ZNF730: variants seen among roughly 807,000 people sequenced by gnomAD.
ZNF730 encodes putative zinc finger protein 730.
A neutral mutation model predicts 12.6 loss-of-function variants in ZNF730; 12 were observed. The observed-to-expected ratio is 0.95, with a 90% CI of 0.61 to 1.54. The LOEUF is 1.54. Ranked by LOEUF, ZNF730 falls within the 40% of genes most tolerant of loss-of-function variation. The pLI is 0.00. For missense variants in ZNF730, 643 were observed against 583.5 expected, an observed-to-expected ratio of 1.10 and a Z score of -1.05; for synonymous variants, 194 against 195.8, an observed-to-expected ratio of 0.99 and a Z score of 0.08.
At chr19:23,112,911 G>T (rs1260017970), upstream of ZNF730, among the ~76,000 whole-genome samples, 1 of 152,068 alleles carries the variant, frequency 6.6e-6, no homozygotes, top group East Asian at 1.9e-4. Context: ...TTCTAAATGG[G>T]CATCCTTTGA....
At chr19:23,144,011 A>T (rs968406543) in intron 3 of ZNF730, 1 of 151,900 alleles carries the variant, frequency 6.6e-6, no homozygotes, top group African/African-American at 2.4e-5. Context: ...TTTTACCCCC[A>T]TAATTTCTAT....
chr19:23,106,148 C>A (rs1296659664), intron 1 of ZNF730, among the ~76,000 whole-genome samples: 9 of 148,592 alleles, frequency 6.1e-5, no homozygotes, highest in Non-Finnish European at 1.3e-4. Flanking sequence ...AAGAAGAAAG[C>A]AGAAGGAGAA....
At chr19:23,094,779 A>G (rs568226188) in intron 1 of ZNF730, among the ~76,000 whole-genome samples, 1 of 151,996 alleles carries the variant, frequency 6.6e-6, no homozygotes, top group Admixed American at 6.6e-5. Context: ...CGGCCTATCT[A>G]TTTTTTTAGT....
At chr19:23,114,785 TTC>T (rs777276279), upstream of ZNF730, among the ~76,000 whole-genome samples, 3 of 152,140 alleles carry the variant, frequency 2.0e-5, no homozygotes, top group Non-Finnish European at 4.4e-5. Context: ...TTCAAAATGT[TTC>T]TGCAATTTTT....
intron 1 of ZNF730, among the ~76,000 whole-genome samples, chr19:23,119,444 T>C (rs758837406): frequency 7.2e-5 from 11 of 152,224 alleles, no homozygotes; most frequent in Non-Finnish European, 1.3e-4. Context: ...TAGTATTTTG[T>C]TGAAGATTTT....
At chr19:23,135,196 G>C (rs551537943) in intron 2 of ZNF730, among the ~76,000 whole-genome samples, 3 of 96,306 alleles carry the variant, frequency 3.1e-5, no homozygotes, top group East Asian at 3.6e-4. Flanking sequence ...ATCCCCCTCT[G>C]CGAGAAACAC....
chr19:23,080,839 TTTC>T (rs1258436895), intron 1 of ZNF730, among the ~76,000 whole-genome samples: 1 of 145,328 alleles, frequency 6.9e-6, no homozygotes, highest in Non-Finnish European at 1.5e-5. Context: ...TTGTTTCTTT[TTTC>T]TTTTCTTTTT....
At chr19:23,114,604 G>A (rs1025750132), upstream of ZNF730, among the ~76,000 whole-genome samples, 11 of 151,866 alleles carry the variant, frequency 7.2e-5, no homozygotes, top group East Asian at 9.7e-4. Context: ...CGCCCGCCTC[G>A]GCCTCCCAAG....
chr19:23,135,630 C>A (rs960797553), intron 2 of ZNF730, among the ~76,000 whole-genome samples: 8 of 151,990 alleles, frequency 5.3e-5, no homozygotes, highest in Non-Finnish European at 1.2e-4. Context: ...CCTGCCTCGG[C>A]CTCTTGAGTA....
rs1328456984 is a variant in ZNF730 at position 23,146,686 on chromosome 19, A to AC, written c.*131dup. 1 of 1,482,814 alleles carries AC rather than the reference A, an allele frequency of 6.7e-7. No homozygotes were observed. Among genetic ancestry groups the AC allele is most frequent in the Non-Finnish European group, 9.4e-7 (1 of 1,063,154 alleles). 91.9% of individuals were successfully genotyped at this position (1,482,814 alleles called of 1,614,324 possible). On this transcript the variant is annotated 3_prime_UTR_variant, in exon 4 of 4. Coordinates refer to ENST00000597761, the MANE Select transcript of ZNF730 (RefSeq NM_001277403.2). Reference sequence around the variant, plus strand: ...AGCTTTTAACCAGTCCTCAAATCTTACTAAACATAAGGTAATTCATACTGG... The same window carrying AC: ...AGCTTTTAACCAGTCCTCAAATCTTACCTAAACATAAGGTAATTCATACTGG...
chr19:23,121,046 G>A (rs1319375562), intron 1 of ZNF730, among the ~76,000 whole-genome samples: 1 of 152,074 alleles, frequency 6.6e-6, no homozygotes, highest in Non-Finnish European at 1.5e-5. Flanking sequence ...TATTTATCAA[G>A]CTGTGGCCTA....
intron 1 of ZNF730, among the ~76,000 whole-genome samples, chr19:23,122,875 T>C (rs1178321504): frequency 1.3e-5 from 2 of 152,250 alleles, no homozygotes; most frequent in Non-Finnish European, 2.9e-5. Context: ...TTTAAAGTTC[T>C]ACATACATTA....
Position 23,134,158 on chromosome 19 carries a change from T to C in ZNF730, c.82T>C (p.Leu28=). 1 of 1,612,946 alleles carries C rather than the reference T, an allele frequency of 6.2e-7. No individual in the cohort carries two copies. The highest frequency in any genetic ancestry group is 8.5e-7 in the Non-Finnish European group (1 of 1,179,474). ...WQCLDTEQQN[L]YRNVMLDNYR... is the part of the protein sequence containing the mutation. ...ATGTCTGGACACCGAACAACAGAAT[T>C]TATATAGAAATGTAATGTTAGATAA... The change falls in exon 2 of 4, where the codon TTA becomes CTA. Residue 28 remains leucine (L), a synonymous_variant. Transcript: ENST00000597761.
chr19:23,109,040 C>CCATGCACGGCTAATTTTTGT (rs1555713781), intron 1 of ZNF730, among the ~76,000 whole-genome samples: 1 of 152,146 alleles, frequency 6.6e-6, no homozygotes, highest in Admixed American at 6.6e-5. Flanking sequence ...GCATGAGCCA[C>CCATGCACGGCTAATTTTTGT]AGCACCCAGC....
intron 1 of ZNF730, among the ~76,000 whole-genome samples, chr19:23,109,590 T>G (rs764164726): frequency 2.6e-5 from 4 of 151,798 alleles, no homozygotes; most frequent in Non-Finnish European, 5.9e-5. Flanking sequence ...TTAGTAGAGA[T>G]GGGGTTTCAC....
chr19:23,141,533 C>CAA (rs1805614770), intron 3 of ZNF730, among the ~76,000 whole-genome samples: 1 of 152,252 alleles, frequency 6.6e-6, no homozygotes, highest in African/African-American at 2.4e-5. Context: ...TGCCACTGCA[C>CAA]TCCACCTTGT....
chr19:23,075,638 CCA>C, intron 1 of ZNF730, among the ~76,000 whole-genome samples: 1 of 152,300 alleles, frequency 6.6e-6, no homozygotes, highest in Admixed American at 6.5e-5. Context: ...CGAGTATTTC[CCA>C]GAGTGCTTAG....
At chr19:23,127,929 A>C in intron 1 of ZNF730, 1 of 687,226 alleles carries the variant, frequency 1.5e-6, no homozygotes, top group Non-Finnish European at 2.6e-6. Flanking sequence ...AGGTTGGCCT[A>C]ACCAATTACA....
intron 1 of ZNF730, among the ~76,000 whole-genome samples, chr19:23,118,361 TTTTTG>T (rs1051932368): frequency 5.5e-5 from 7 of 127,674 alleles, no homozygotes; most frequent in South Asian, 2.3e-4. Context: ...TCAAGTTTGT[TTTTTG>T]TTTTTTTTTT....
Sources: gnomAD v4.1 joint callset for allele counts (sites outside exome capture counted in the v4.1 genomes callset) on GRCh38, gnomAD v4.1.1 for gene constraint, MANE v1.5 for transcripts, NCBI Gene and HGNC (gene_info 2026-07-23, HGNC 2026-07-21) for gene names.